Variants in TAMALIN observed in about 807,000 individuals in gnomAD.
The protein encoded by TAMALIN is protein TAMALIN.
TAMALIN carries 9 observed loss-of-function variants against 38.5 expected under a neutral mutation model. The observed-to-expected ratio is 0.23, with a 90% CI of 0.14 to 0.41. The LOEUF (loss-of-function observed/expected upper bound fraction) is 0.41, where lower values mean the gene tolerates loss of function less well. Ranked by LOEUF, TAMALIN falls within the 10% of genes least tolerant of loss-of-function variation. TAMALIN has a pLI of 1.00. For synonymous variants in TAMALIN, 306 were observed against 256.5 expected, an observed-to-expected ratio of 1.19 and a Z score of -1.85; for missense variants, 548 against 554.1, an observed-to-expected ratio of 0.99 and a Z score of 0.11.
rs755542895 is a variant in TAMALIN, at chr12:52,007,310, A to G, written c.246+45A>G. On this transcript the variant is annotated intron_variant, in intron 1 of 7. Coordinates refer to ENST00000293662, the MANE Select transcript of TAMALIN (RefSeq NM_181711.4). The surrounding 1 kb of genome is among the most constrained non-coding windows in gnomAD (Gnocchi z 6.7). ...TCAGGATCTGCTCAGCCCCTCTCCG[A>G]CTCCCTACAGGGCCTGCTGACTCCG... 6.5e-6 allele frequency: 9 copies of G among 1,374,434 alleles called. No individual in the cohort carries two copies. Among genetic ancestry groups the G allele is most frequent in the Non-Finnish European group, 8.4e-6 (9 of 1,065,776 alleles). The allele number at this position is 1,374,434 out of a possible 1,614,324, so 85.1% of individuals were successfully genotyped here. A position where few individuals can be genotyped will look rare whatever the true frequency, so the allele number is the denominator to read the frequency against.
intron 1 of TAMALIN, chr12:52,008,782 C>G (rs1052607619): frequency 6.8e-5 from 67 of 983,768 alleles, no homozygotes; most frequent in Non-Finnish European, 7.8e-5. Flanking sequence ...GGACACCTAT[C>G]CTCTGAATCC....
rs1424535849 is a variant in TAMALIN at position 52,009,258 on chromosome 12, G to C, written c.296+19G>C. On this transcript the variant is annotated intron_variant, in intron 2 of 7. Transcript: ENST00000293662. ...AGCAGCGGTGAGTCACCAACACCCAGCCCCTGCCATGGTCCAAAGGGGTGA... is the reference window on the plus strand; with the variant it reads ...AGCAGCGGTGAGTCACCAACACCCACCCCCTGCCATGGTCCAAAGGGGTGA... The C allele has an allele frequency of 1.2e-6, 2 of 1,613,194 alleles. No homozygotes were observed. The highest frequency in any genetic ancestry group is 1.7e-6 in the Non-Finnish European group (2 of 1,179,518).
rs993802994 is a variant in TAMALIN at position 52,013,958 on chromosome 12, A to G, written c.615+15A>G. The G allele has an allele frequency of 3.1e-6, 5 of 1,613,596 alleles. No individual in the cohort carries two copies. The highest frequency in any genetic ancestry group is 2.2e-5 in the South Asian group (2 of 91,072). The stretch of plus-strand genomic sequence containing the variant: ...AGTACCTGAAGGTAGGGGAACCTAG[A>G]TAACGTCCAGCCTCCACCCTCCTCT... On this transcript the variant is annotated intron_variant, in intron 6 of 7. Coordinates refer to ENST00000293662, the MANE Select transcript of TAMALIN (RefSeq NM_181711.4).
chr12:52,015,345 G>A lies in TAMALIN; in HGVS notation c.*146G>A. 4 of 968,136 alleles carry A rather than the reference G, an allele frequency of 4.1e-6. No homozygotes were observed. The highest frequency in any genetic ancestry group is 2.9e-6 in the Non-Finnish European group (2 of 694,888). The allele number at this position is 968,136 out of a possible 1,614,324, so 60.0% of individuals were successfully genotyped here. On this transcript the variant is annotated 3_prime_UTR_variant, in exon 8 of 8. Transcript: ENST00000293662. ...CCTCGGCCCGCCGGGTCGGTTCCTG[G>A]CTGGTGTCTGCTGAGGGAGTGGGGG...
At position 52,015,841 on chromosome 12, in the gene TAMALIN, A is replaced by G. The variant is rs747500318; in HGVS notation, c.*642A>G. On this transcript the variant is annotated 3_prime_UTR_variant, in exon 8 of 8. Transcript: ENST00000293662. ...AGCACAGACTGTTCCACCGTTGTGCATATTGTTGCTTCTGAACCACAAACT... is the reference window on the plus strand; with the variant it reads ...AGCACAGACTGTTCCACCGTTGTGCGTATTGTTGCTTCTGAACCACAAACT... 4 of 152,912 alleles carry G rather than the reference A, an allele frequency of 2.6e-5. No individual in the cohort carries two copies. The highest frequency in any genetic ancestry group is 2.1e-4 in the South Asian group (1 of 4,842). 9.5% of individuals were successfully genotyped at this position (152,912 alleles called of 1,614,324 possible).
In TAMALIN at chr12:52,011,493, G is replaced by C; in HGVS notation, c.454+352G>C. On this transcript the variant is annotated intron_variant, in intron 4 of 7. Transcript: ENST00000293662. The surrounding 1 kb of genome is among the most constrained non-coding windows in gnomAD (Gnocchi z 5.3). ...GCAGTCAGCATGGGCAGGAGCCAGGGAAGAAGCAACATTCCATTAAGTCTG... is the reference window on the plus strand; with the variant it reads ...GCAGTCAGCATGGGCAGGAGCCAGGCAAGAAGCAACATTCCATTAAGTCTG... The C allele has an allele frequency of 1.8e-6, 1 of 552,812 alleles. No individual in the cohort carries two copies. The highest frequency in any genetic ancestry group is 3.2e-6 in the Non-Finnish European group (1 of 308,990). The allele number at this position is 552,812 out of a possible 1,614,324, so 34.2% of individuals were successfully genotyped here. A position where few individuals can be genotyped will look rare whatever the true frequency, so the allele number is the denominator to read the frequency against.
intron 1 of TAMALIN, chr12:52,008,156 C>G: frequency 5.1e-6 from 5 of 985,438 alleles, no homozygotes; most frequent in Non-Finnish European, 6.0e-6. Flanking sequence ...TCCTCCCTGG[C>G]CGTTTGGGAA....
In TAMALIN at chr12:52,007,163, T is replaced by C; in HGVS notation, c.144T>C (p.Pro48=). ...TPGPPAAAAT[P]GPPADELYAA... Reference sequence around the variant, plus strand: ...GACCCCCTGCCGCAGCCGCCACCCCTGGGCCCCCAGCGGACGAGCTGTACG... The same window carrying C: ...GACCCCCTGCCGCAGCCGCCACCCCCGGGCCCCCAGCGGACGAGCTGTACG... Residue 48 remains proline, a synonymous_variant, in exon 1 of 8, where the codon CCT becomes CCC. Transcript: ENST00000293662. The surrounding 1 kb of genome is among the most constrained non-coding windows in gnomAD (Gnocchi z 6.7). 2 of 1,495,008 alleles carry C rather than the reference T, an allele frequency of 1.3e-6. No homozygotes were observed. Among genetic ancestry groups the C allele is most frequent in the Non-Finnish European group, 8.8e-7 (1 of 1,131,268 alleles). The allele number at this position is 1,495,008 out of a possible 1,614,324, so 92.6% of individuals were successfully genotyped here.
chr12:52,007,811 C>A lies in TAMALIN; in HGVS notation c.246+546C>A, dbSNP rs1448329885. 1.0e-6 allele frequency: 1 copy of A among 985,332 alleles called. No individual in the cohort carries two copies. The highest frequency in any genetic ancestry group is 1.2e-6 in the Non-Finnish European group (1 of 829,932). 61.0% of individuals were successfully genotyped at this position (985,332 alleles called of 1,614,324 possible). On this transcript the variant is annotated intron_variant, in intron 1 of 7. Transcript: ENST00000293662. The surrounding 1 kb of genome is among the most constrained non-coding windows in gnomAD (Gnocchi z 6.7). ...GCCTGCCGCCTGGCCCCACGTCTGACGTACGGGGCGCGAGGGCCACTGCTC... is the reference window on the plus strand; with the variant it reads ...GCCTGCCGCCTGGCCCCACGTCTGAAGTACGGGGCGCGAGGGCCACTGCTC...
intron 7 of TAMALIN, chr12:52,014,423 C>T: frequency 3.3e-6 from 2 of 611,588 alleles, no homozygotes; most frequent in South Asian, 3.9e-5. Flanking sequence ...ATAGTGTCAT[C>T]TTCACTTTAC....
chr12:52,008,265 C>T lies in TAMALIN; in HGVS notation c.247-925C>T, dbSNP rs540876024. On this transcript the variant is annotated intron_variant, in intron 1 of 7. Coordinates refer to ENST00000293662, the MANE Select transcript of TAMALIN (RefSeq NM_181711.4). ...AGCAAAGGCACAGAACAGAAAGGCC[C>T]TGGGCTGTGCAGGCTCCAAAGAAAA... 490 of 985,322 alleles carry T rather than the reference C, an allele frequency of 5.0e-4. 2 individuals are homozygous for T. The highest frequency in any genetic ancestry group is 4.4e-3 in the African/African-American group (253 of 57,300). 61.0% of individuals were successfully genotyped at this position (985,322 alleles called of 1,614,324 possible).
Position 52,015,079 on chromosome 12 carries a change from C to T in TAMALIN, c.1068C>T (p.Arg356=). 1 of 1,509,196 alleles carries T rather than the reference C, an allele frequency of 6.6e-7. No individual in the cohort carries two copies. The highest frequency in any genetic ancestry group is 8.8e-7 in the Non-Finnish European group (1 of 1,137,430). 93.5% of individuals were successfully genotyped at this position (1,509,196 alleles called of 1,614,324 possible). A position where few individuals can be genotyped will look rare whatever the true frequency, so the allele number is the denominator to read the frequency against. The change falls in exon 8 of 8, where the codon CGC becomes CGT. Residue 356 remains arginine, a synonymous_variant. Coordinates refer to ENST00000293662, the MANE Select transcript of TAMALIN (RefSeq NM_181711.4). ...CGGGCGCGCTCTGGACTGAGGCTCG[C>T]GAGCAGGCCCTATGCGGCCCCGGCC... is the stretch of plus-strand genomic sequence containing the variant. The part of the protein sequence containing the change: ...GAPGALWTEA[R]EQALCGPGLR...
rs559507889 is a variant in TAMALIN at position 52,007,423 on chromosome 12, C to T, written c.246+158C>T. Reference sequence around the variant, plus strand: ...CGACTCCCCGCGTTCCCCGCTGCTGCGAAGGCCGTGGCCCTCGCCTGCACA... The same window carrying T: ...CGACTCCCCGCGTTCCCCGCTGCTGTGAAGGCCGTGGCCCTCGCCTGCACA... On this transcript the variant is annotated intron_variant, in intron 1 of 7. Transcript: ENST00000293662. This position sits in a 1 kb window ranked among gnomAD's most constrained non-coding sequence, Gnocchi z 6.7. The T allele has an allele frequency of 5.1e-6, 5 of 985,176 alleles. No individual in the cohort carries two copies. The South Asian group carries it at 2.4e-4, about 46-fold the overall frequency. 61.0% of individuals were successfully genotyped at this position (985,176 alleles called of 1,614,324 possible).
rs1020911772 is a variant in TAMALIN at position 52,007,724 on chromosome 12, G to A, written c.246+459G>A. 3 of 985,304 alleles carry A rather than the reference G, an allele frequency of 3.0e-6. No individual in the cohort carries two copies. In the African/African-American group the frequency reaches 5.2e-5, roughly 17 times the overall value. The allele number at this position is 985,304 out of a possible 1,614,324, so 61.0% of individuals were successfully genotyped here. On this transcript the variant is annotated intron_variant, in intron 1 of 7. Transcript: ENST00000293662. The surrounding 1 kb of genome is among the most constrained non-coding windows in gnomAD (Gnocchi z 6.7). ...CGTTCTCACTCTGAGGAAGTGCGTG[G>A]GGAGCCGCTGACTCCGGATAGCACA...
Position 52,007,486 on chromosome 12 carries a change from A to C in TAMALIN, c.246+221A>C, listed in dbSNP as rs2120819989. The C allele has an allele frequency of 1.0e-6, 1 of 981,332 alleles. No individual in the cohort carries two copies. The highest frequency in any genetic ancestry group is 1.2e-4 in the East Asian group (1 of 8,540). The allele number at this position is 981,332 out of a possible 1,614,324, so 60.8% of individuals were successfully genotyped here. On this transcript the variant is annotated intron_variant, in intron 1 of 7. Coordinates refer to ENST00000293662, the MANE Select transcript of TAMALIN (RefSeq NM_181711.4). This position sits in a 1 kb window ranked among gnomAD's most constrained non-coding sequence, Gnocchi z 6.7. ...TCGGTGGCTCTTAACTCCGCGCCCC[A>C]TGCACGCCCCCTCTCTCCCTCCTTG... is the stretch of plus-strand genomic sequence containing the variant.
At chr12:52,009,146 A>T in intron 1 of TAMALIN, 44 bp from the exon 2 acceptor site, 1 of 1,600,700 alleles carries the variant, frequency 6.2e-7, no homozygotes, top group Non-Finnish European at 8.6e-7. Flanking sequence ...CTGCTCAAGG[A>T]CAGTCCCGCC....
intron 2 of TAMALIN, 64 bp from the exon 3 acceptor site, chr12:52,010,817 G>T: frequency 1.3e-6 from 2 of 1,557,064 alleles, no homozygotes; most frequent in Non-Finnish European, 1.8e-6. Context: ...ATCCAGGGAG[G>T]CCCAAGCTAT....
intron 1 of TAMALIN, 32 bp from the exon 2 acceptor site, chr12:52,009,158 T>TA (rs1288954634): frequency 6.2e-7 from 1 of 1,612,220 alleles, no homozygotes; most frequent in Non-Finnish European, 8.5e-7. Flanking sequence ...AGTCCCGCCT[T>TA]ACCTGCTCCT....
At position 52,007,343 on chromosome 12, in the gene TAMALIN, C is replaced by T; in HGVS notation, c.246+78C>T. 7.6e-6 allele frequency: 10 copies of T among 1,318,490 alleles called. No individual in the cohort carries two copies. Among genetic ancestry groups the T allele is most frequent in the Non-Finnish European group, 8.7e-6 (9 of 1,034,436 alleles). The allele number at this position is 1,318,490 out of a possible 1,614,324, so 81.7% of individuals were successfully genotyped here. ...CAGGGCCTGCTGACTCCGCAGTGCCCTCTCCTCGGCGTCCGCGGAGTCCCC... is the reference window on the plus strand; with the variant it reads ...CAGGGCCTGCTGACTCCGCAGTGCCTTCTCCTCGGCGTCCGCGGAGTCCCC... On this transcript the variant is annotated intron_variant, in intron 1 of 7. Coordinates refer to ENST00000293662, the MANE Select transcript of TAMALIN (RefSeq NM_181711.4). The surrounding 1 kb of genome is among the most constrained non-coding windows in gnomAD (Gnocchi z 6.7).
Sources: allele counts gnomAD v4.1 joint callset, GRCh38; gene constraint gnomAD v4.1.1; non-coding constraint Gnocchi (gnomAD v3.1); transcripts MANE v1.5; gene names NCBI Gene and HGNC (gene_info 2026-07-23, HGNC 2026-07-21).